GPR160: variants seen among roughly 807,000 people sequenced by gnomAD.
GPR160 encodes the protein G protein-coupled receptor 160.
GPR160 carries 2 observed loss-of-function variants against 2.6 expected under a neutral mutation model. The observed-to-expected ratio is 0.77, with a 90% confidence interval of 0.32 to 2.44. The LOEUF is 2.44. Among genes scored for constraint, GPR160 ranks in the 30% most tolerant of loss-of-function variants. The pLI is 0.11. For missense variants in GPR160, 351 were observed against 383.6 expected, an observed-to-expected ratio of 0.91 and a Z score of 0.71; for synonymous variants, 130 against 132.2, an observed-to-expected ratio of 0.98 and a Z score of 0.12.
At chr3:170,042,918 G>A (rs865922423) in intron 2 of GPR160, among the ~76,000 whole-genome samples, 10 of 136,960 alleles carry the variant, frequency 7.3e-5, no homozygotes, top group Non-Finnish European at 1.2e-4. Flanking sequence ...GTCTCGCTCT[G>A]CCACCCAGGC....
intron 2 of GPR160, among the ~76,000 whole-genome samples, chr3:170,064,535 T>C (rs113054124): frequency 2.0e-3 from 257 of 127,996 alleles, no homozygotes; most frequent in African/African-American, 4.0e-3. Flanking sequence ...TTTTTTTTTT[T>C]TGAGGCAGAG....
chr3:170,055,024 C>T (rs1349751975), intron 2 of GPR160, among the ~76,000 whole-genome samples: 1 of 152,212 alleles, frequency 6.6e-6, no homozygotes, highest in Admixed American at 6.5e-5. Context: ...GAACTCCTGA[C>T]CACAGGTGAC....
At chr3:170,051,408 C>T (rs562561828) in intron 2 of GPR160, among the ~76,000 whole-genome samples, 1 of 152,238 alleles carries the variant, frequency 6.6e-6, no homozygotes, top group African/African-American at 2.4e-5. Context: ...AGGTATATAT[C>T]TGGATGCAAA....
At chr3:170,082,696 A>G (rs1168408974) in intron 3 of GPR160, among the ~76,000 whole-genome samples, 1 of 152,080 alleles carries the variant, frequency 6.6e-6, no homozygotes, top group Non-Finnish European at 1.5e-5. Context: ...CCCAGGCTCA[A>G]GCGATCCTCT....
chr3:170,045,429 A>C (rs1415297462), intron 2 of GPR160, among the ~76,000 whole-genome samples: 1 of 132,936 alleles, frequency 7.5e-6, no homozygotes, highest in East Asian at 2.0e-4. Context: ...AAAAAAAAAA[A>C]AAAAAAAAAA....
chr3:170,064,469 G>C (rs1030178295), intron 2 of GPR160, among the ~76,000 whole-genome samples: 2 of 150,552 alleles, frequency 1.3e-5, no homozygotes, highest in Non-Finnish European at 3.0e-5. Context: ...AGTAGGTGGC[G>C]GCCTCGACCC....
chr3:170,055,517 T>C (rs1711597615), intron 2 of GPR160, among the ~76,000 whole-genome samples: 1 of 152,248 alleles, frequency 6.6e-6, no homozygotes, highest in African/African-American at 2.4e-5. Flanking sequence ...AGATTTCTGA[T>C]TGCTACTTTC....
intron 2 of GPR160, among the ~76,000 whole-genome samples, chr3:170,063,932 G>A (rs1712142115): frequency 6.6e-6 from 1 of 152,136 alleles, no homozygotes. Flanking sequence ...AACCAGACGT[G>A]GGTGAGGAGA....
chr3:170,061,586 C>A (rs926622645), intron 2 of GPR160, among the ~76,000 whole-genome samples: 1 of 151,760 alleles, frequency 6.6e-6, no homozygotes, highest in Admixed American at 6.6e-5. Flanking sequence ...AATGGCTATC[C>A]GATTATAAGA....
In GPR160 at chr3:170,061,391, ACT is replaced by A. The variant is rs200860249; in HGVS notation, c.-192-18380_-192-18379del. Reference sequence around the variant, plus strand: ...TTGATTGGATTTTGTATTAAAAAAAACTCTAACAACATTGGGACAGTTTTAAT... The same window carrying A: ...TTGATTGGATTTTGTATTAAAAAAAACTAACAACATTGGGACAGTTTTAAT... On this transcript the variant is annotated intron_variant, in intron 2 of 3. Transcript: ENST00000355897. Among the ~76,000 whole-genome samples the A allele has an allele frequency of 8.3e-3, 1,255 of 152,092 alleles. 18 individuals are homozygous for A. Among genetic ancestry groups the A allele is most frequent in the African/African-American group, 0.029 (1,196 of 41,500 alleles).
At chr3:170,066,791 G>A (rs1160570065) in intron 2 of GPR160, among the ~76,000 whole-genome samples, 2 of 152,092 alleles carry the variant, frequency 1.3e-5, no homozygotes, top group Non-Finnish European at 2.9e-5. Context: ...TTGGCTCACA[G>A]GACATATATG....
At position 170,052,387 on chromosome 3, in the gene GPR160, A is replaced by G. The variant is rs77076975; in HGVS notation, c.-193+13344A>G. Among the ~76,000 whole-genome samples, 758 of 152,272 alleles carry G rather than the reference A, an allele frequency of 5.0e-3. 5 individuals are homozygous for G. The highest frequency in any genetic ancestry group is 0.017 in the African/African-American group (722 of 41,564). On this transcript the variant is annotated intron_variant, in intron 2 of 3. Transcript: ENST00000355897. ...CTCGTTACTCTACATCTTTTCCAAT[A>G]TTTGGTATTGTTGGTCTTTCTGATT...
In GPR160 at chr3:170,084,594, G is replaced by T; in HGVS notation, c.622G>T (p.Val208Leu). 1 of 1,613,170 alleles carries T rather than the reference G, an allele frequency of 6.2e-7. No homozygotes were observed. The highest frequency in any genetic ancestry group is 8.5e-7 in the Non-Finnish European group (1 of 1,179,264). The change falls in exon 4 of 4, where the codon GTA becomes TTA. Residue 208 changes from valine (V) to leucine (L), a missense_variant. By Grantham distance (32) the Val-to-Leu change is conservative. Coordinates refer to ENST00000355897, the MANE Select transcript of GPR160 (RefSeq NM_014373.3). ...CTGTTGGGAAGAAGTTACTACTTTGGTACAGGCTATCAGGATAACTTCCTA... is the reference window on the plus strand; with the variant it reads ...CTGTTGGGAAGAAGTTACTACTTTGTTACAGGCTATCAGGATAACTTCCTA... ...ITCWEEVTTL[V>L]QAIRITSYMN... is the part of the protein sequence containing the mutation.
At chr3:170,050,325 C>T (rs956564520) in intron 2 of GPR160, among the ~76,000 whole-genome samples, 3 of 152,020 alleles carry the variant, frequency 2.0e-5, no homozygotes, top group Non-Finnish European at 2.9e-5. Flanking sequence ...CTCACTGCAA[C>T]CTCCACCTCC....
intron 3 of GPR160, among the ~76,000 whole-genome samples, chr3:170,082,595 CTTGT>C (rs140112433): frequency 0.025 from 3,783 of 152,028 alleles, 140 homozygotes; most frequent in African/African-American, 0.086. Flanking sequence ...TCGTTTCTTT[CTTGT>C]TTTTTTCTTT....
chr3:170,057,867 G>A (rs1220267235), intron 2 of GPR160: 1 of 152,238 alleles, frequency 6.6e-6, no homozygotes, highest in Non-Finnish European at 1.5e-5. Context: ...AAGGGAGAGA[G>A]GAGGGAAAGA....
intron 2 of GPR160, among the ~76,000 whole-genome samples, chr3:170,054,113 G>GTT (rs1553767405): frequency 6.6e-6 from 1 of 151,370 alleles, no homozygotes; most frequent in African/African-American, 2.4e-5. Flanking sequence ...GTGTGTGTGT[G>GTT]TATGTGTGTG....
chr3:170,040,990 C>T (rs1453713738), intron 2 of GPR160, among the ~76,000 whole-genome samples: 1 of 145,542 alleles, frequency 6.9e-6, no homozygotes, highest in Admixed American at 6.9e-5. Flanking sequence ...CAGGCTTGCT[C>T]CAGATTTCTT....
At chr3:170,072,556 C>T (rs1419667188) in intron 2 of GPR160, among the ~76,000 whole-genome samples, 1 of 152,112 alleles carries the variant, frequency 6.6e-6, no homozygotes, top group African/African-American at 2.4e-5. Context: ...GGAAGCAGGG[C>T]ACCAGCATCT....
Sources: allele counts gnomAD v4.1 joint callset (sites outside exome capture counted in the v4.1 genomes callset), GRCh38; gene constraint gnomAD v4.1.1; transcripts MANE v1.5; gene names NCBI Gene and HGNC (gene_info 2026-07-23, HGNC 2026-07-21).